The following DOCK4 variants were observed in gnomAD, a reference collection of about 807,000 sequenced individuals.
DOCK4 encodes dedicator of cytokinesis 4.
In DOCK4, 97 loss-of-function variants were observed where a neutral mutation model predicts 268.1. That is an observed-to-expected ratio of 0.36 (90% CI 0.31 to 0.43). The LOEUF (loss-of-function observed/expected upper bound fraction) is 0.43. DOCK4 is among the 20% of genes least tolerant of loss of function. The pLI is 1.00. For missense variants in DOCK4, 2,145 were observed against 2,455.7 expected, an observed-to-expected ratio of 0.87 and a Z score of 2.67; for synonymous variants, 954 against 887.2, an observed-to-expected ratio of 1.08 and a Z score of -1.34.
In DOCK4 at chr7:111,739,491, G is replaced by A. The variant is rs1234024892; in HGVS notation, c.5041-14C>T. Reference sequence around the variant, plus strand: ...AGATGGACTTGGCTGGAAACACACAGGGAGCTATTATCATACCCTGATTAA... The same window carrying A: ...AGATGGACTTGGCTGGAAACACACAAGGAGCTATTATCATACCCTGATTAA... On this transcript the variant is annotated splice_polypyrimidine_tract_variant and intron_variant, in intron 47 of 52. Coordinates refer to ENST00000428084, the MANE Select transcript of DOCK4 (RefSeq NM_001363540.2). 6.4e-7 allele frequency: 1 copy of A among 1,556,984 alleles called. No individual in the cohort carries two copies. The highest frequency in any genetic ancestry group is 2.4e-5 in the East Asian group (1 of 41,534).
chr7:111,741,774 A>C (rs1306335277), intron 45 of DOCK4, 113 bp from the exon 46 acceptor site: 4 of 1,376,102 alleles, frequency 2.9e-6, no homozygotes, highest in Middle Eastern at 2.1e-4. Flanking sequence ...GTCTTCACAT[A>C]GGGAGCTATT....
chr7:111,749,523 AATCTTC>A (rs1796494375), intron 42 of DOCK4, among the ~76,000 whole-genome samples: 1 of 152,216 alleles, frequency 6.6e-6, no homozygotes, highest in African/African-American at 2.4e-5. Flanking sequence ...AGAAAAAAGC[AATCTTC>A]ATCTTTATAA....
intron 1 of DOCK4, among the ~76,000 whole-genome samples, chr7:112,204,239 C>G (rs1440892276): frequency 6.6e-6 from 1 of 152,154 alleles, no homozygotes; most frequent in Non-Finnish European, 1.5e-5. Flanking sequence ...GATACCAGCA[C>G]CCCAGCTGTG....
At chr7:111,998,379 C>T (rs1220212225) in intron 4 of DOCK4, 69 bp downstream of exon 4, 14 of 1,254,064 alleles carry the variant, frequency 1.1e-5, no homozygotes, top group Non-Finnish European at 1.4e-5. Flanking sequence ...ATTACTATGC[C>T]TTTCAAATTC....
chr7:112,176,021 A>G (rs1391016471), intron 1 of DOCK4, among the ~76,000 whole-genome samples: 2 of 152,242 alleles, frequency 1.3e-5, no homozygotes, highest in Non-Finnish European at 2.9e-5. Flanking sequence ...GAAAATAAAG[A>G]ATTGGATGCC....
At chr7:112,126,401 C>A (rs1813219644) in intron 1 of DOCK4, among the ~76,000 whole-genome samples, 2 of 152,136 alleles carry the variant, frequency 1.3e-5, no homozygotes, top group South Asian at 2.1e-4. Flanking sequence ...GTGAGTTAAA[C>A]ACCATCTCCC....
chr7:111,791,578 G>T (rs754729725), intron 30 of DOCK4, among the ~76,000 whole-genome samples: 10 of 151,910 alleles, frequency 6.6e-5, no homozygotes, highest in Non-Finnish European at 1.3e-4. Context: ...CTCCTGGGTA[G>T]CTGGGATTTA....
Position 111,746,380 on chromosome 7 carries a change from T to A in DOCK4, c.4631A>T (p.Glu1544Val). 1 of 1,612,874 alleles carries A rather than the reference T, an allele frequency of 6.2e-7. No homozygotes were observed. The highest frequency in any genetic ancestry group is 8.5e-7 in the Non-Finnish European group (1 of 1,179,410). Residue 1544 changes from glutamate to valine, a missense_variant, in exon 44 of 53, where the codon GAA becomes GTA. Around this residue, in one of 2 missense-constraint regions of DOCK4, gnomAD observed 1,598 missense variants for 1,986.7 expected, o/e 0.80. Coordinates refer to ENST00000428084, the MANE Select transcript of DOCK4 (RefSeq NM_001363540.2). Reference protein sequence around the residue: ...FVKEYILSHPEDGEKIARLRE... With the variant: ...FVKEYILSHPVDGEKIARLRE... ...TAATCGTGCAATTTTCTCCCCATCT[T>A]CAGGGTGACTTAAGATATATTCTTT...
At chr7:111,790,374 A>C (rs1447845284) in intron 31 of DOCK4, 83 bp downstream of exon 31, 1 of 1,524,780 alleles carries the variant, frequency 6.6e-7, no homozygotes, top group Admixed American at 1.9e-5. Context: ...TCATTTCCCA[A>C]GTTGGAGTTG....
chr7:111,886,711 T>A (rs1807876859), intron 16 of DOCK4, among the ~76,000 whole-genome samples: 1 of 152,138 alleles, frequency 6.6e-6, no homozygotes, highest in South Asian at 2.1e-4. Context: ...CAATGTGGGA[T>A]CTTGGAATGG....
chr7:111,867,911 T>G (rs1236647865), intron 22 of DOCK4, 73 bp downstream of exon 22: 2 of 1,298,366 alleles, frequency 1.5e-6, no homozygotes, highest in Non-Finnish European at 2.0e-6. Context: ...AACATTTGAT[T>G]ACGCTGCTGT....
chr7:111,941,297 C>G (rs1035385813), intron 10 of DOCK4, among the ~76,000 whole-genome samples: 2 of 152,104 alleles, frequency 1.3e-5, no homozygotes, highest in African/African-American at 4.8e-5. Flanking sequence ...AAATTTCACT[C>G]TACATAATTT....
intron 4 of DOCK4, 143 bp from the exon 5 acceptor site, chr7:111,994,374 T>G (rs1189723184): frequency 2.3e-5 from 12 of 522,782 alleles, no homozygotes; most frequent in Non-Finnish European, 3.4e-6. Flanking sequence ...GGTTATAAGT[T>G]AATGTGAGGA....
intron 1 of DOCK4, among the ~76,000 whole-genome samples, chr7:112,180,994 A>G (rs1356517943): frequency 6.6e-6 from 1 of 152,230 alleles, no homozygotes; most frequent in Non-Finnish European, 1.5e-5. Context: ...TGGCTTGCAC[A>G]TAACTTTTCT....
chr7:111,753,327 T>G (rs891389345), intron 42 of DOCK4, among the ~76,000 whole-genome samples: 4 of 151,990 alleles, frequency 2.6e-5, no homozygotes, highest in African/African-American at 9.7e-5. Flanking sequence ...ATCAGAAAAT[T>G]AGCCAGTTGT....
chr7:111,817,894 T>G (rs1257520593), intron 27 of DOCK4, among the ~76,000 whole-genome samples: 1 of 152,170 alleles, frequency 6.6e-6, no homozygotes, highest in Non-Finnish European at 1.5e-5. Flanking sequence ...TCACTCTAAT[T>G]AGGTTTTCCT....
chr7:111,873,741 A>C (rs1184000481), intron 17 of DOCK4, among the ~76,000 whole-genome samples: 1 of 152,194 alleles, frequency 6.6e-6, no homozygotes, highest in Non-Finnish European at 1.5e-5. Flanking sequence ...AAGCTCCACC[A>C]AAGCCAGATT....
chr7:111,737,110 G>C, intron 49 of DOCK4, 121 bp from the exon 50 acceptor site: 1 of 770,414 alleles, frequency 1.3e-6, no homozygotes, highest in Non-Finnish European at 2.1e-6. Flanking sequence ...TGTGTGATAT[G>C]ATGAGCCTAG....
intron 1 of DOCK4, among the ~76,000 whole-genome samples, chr7:112,198,267 A>G (rs1281478025): frequency 6.6e-6 from 1 of 152,104 alleles, no homozygotes; most frequent in African/African-American, 2.4e-5. Context: ...ACGTGAAGAT[A>G]CAGCAAGAAG....
Sources: allele counts gnomAD v4.1 joint callset (sites outside exome capture counted in the v4.1 genomes callset), GRCh38; gene constraint gnomAD v4.1.1; regional missense constraint gnomAD v4.1.1; transcripts MANE v1.5; gene names NCBI Gene and HGNC (gene_info 2026-07-23, HGNC 2026-07-21).